Variants in RIMS2 observed in about 807,000 individuals in gnomAD.
RIMS2 encodes regulating synaptic membrane exocytosis 2, also known as regulating synaptic membrane exocytosis protein 2.
In RIMS2, 59 loss-of-function variants were observed where a neutral mutation model predicts 174.4. That is an observed-to-expected ratio of 0.34 (90% CI 0.27 to 0.42). The LOEUF is 0.42. Ranked by LOEUF, RIMS2 falls within the 10% of genes least tolerant of loss-of-function variation. The probability of loss-of-function intolerance (pLI) is 1.00; values close to 1 mark genes in which losing one functional copy is unlikely to be tolerated. For missense variants in RIMS2, 1,620 were observed against 1,666.3 expected (o/e 0.97, Z 0.48); for synonymous variants, 606 against 572.5 (o/e 1.06, Z -0.84).
chr8:104,151,007 C>A (rs1213461723), intron 19 of RIMS2, among the ~76,000 whole-genome samples: 1 of 151,996 alleles, frequency 6.6e-6, no homozygotes, highest in Non-Finnish European at 1.5e-5. Flanking sequence ...TAAGTCCATA[C>A]CTGGAAAAGA....
chr8:103,518,761 A>G (rs894891153), intron 1 of RIMS2, among the ~76,000 whole-genome samples: 3 of 152,064 alleles, frequency 2.0e-5, no homozygotes, highest in African/African-American at 7.2e-5. Flanking sequence ...CTGATGACTT[A>G]GTGTAAAAAA....
At chr8:103,539,649 C>T (rs1456655770) in intron 1 of RIMS2, among the ~76,000 whole-genome samples, 1 of 152,222 alleles carries the variant, frequency 6.6e-6, no homozygotes, top group Non-Finnish European at 1.5e-5. Context: ...AGGCAACCAA[C>T]AGTCATTCCC....
intron 2 of RIMS2, among the ~76,000 whole-genome samples, chr8:103,739,896 A>G (rs960280617): frequency 1.3e-5 from 2 of 152,150 alleles, no homozygotes; most frequent in Non-Finnish European, 2.9e-5. Context: ...TTTGTACCAT[A>G]GACTAAGTCC....
intron 16 of RIMS2, among the ~76,000 whole-genome samples, chr8:103,981,849 C>A (rs1026358266): frequency 1.3e-5 from 2 of 151,746 alleles, no homozygotes; most frequent in African/African-American, 4.8e-5. Context: ...AAAAGAAAAA[C>A]AAATAAAAAA....
chr8:103,651,411 ACTGT>A (rs60064428), intron 1 of RIMS2, among the ~76,000 whole-genome samples: 208 of 152,208 alleles, frequency 1.4e-3, no homozygotes, highest in African/African-American at 4.6e-3. Flanking sequence ...GCTTTCCACA[ACTGT>A]CTACTTCTAA....
At chr8:103,674,219 C>G (rs1484651742) in intron 1 of RIMS2, among the ~76,000 whole-genome samples, 3 of 152,160 alleles carry the variant, frequency 2.0e-5, no homozygotes, top group Non-Finnish European at 4.4e-5. Context: ...TAAGAAGTTC[C>G]AAACTTTCCT....
At chr8:103,544,747 A>G (rs999140232) in intron 1 of RIMS2, among the ~76,000 whole-genome samples, 31 of 152,248 alleles carry the variant, frequency 2.0e-4, no homozygotes, top group Admixed American at 1.4e-3. Flanking sequence ...ACCCAAGAAA[A>G]GAAATACAGG....
chr8:103,818,285 G>A (rs1297808376), intron 3 of RIMS2, among the ~76,000 whole-genome samples: 1 of 152,100 alleles, frequency 6.6e-6, no homozygotes, highest in East Asian at 1.9e-4. Context: ...TTAAAGAAAT[G>A]TCAAAGGTTA....
intron 2 of RIMS2, among the ~76,000 whole-genome samples, chr8:103,741,129 A>T (rs2097757969): frequency 6.6e-6 from 1 of 152,070 alleles, no homozygotes; most frequent in South Asian, 2.1e-4. Context: ...AATTTTGATT[A>T]CAAATAATTA....
At chr8:104,179,650 C>T (rs2098928560) in intron 19 of RIMS2, among the ~76,000 whole-genome samples, 3 of 151,700 alleles carry the variant, frequency 2.0e-5, no homozygotes, top group Admixed American at 2.0e-4. Context: ...AGTAAAATAA[C>T]AGCAAATTAT....
At chr8:103,597,835 G>T (rs544689881) in intron 1 of RIMS2, among the ~76,000 whole-genome samples, 59 of 151,972 alleles carry the variant, frequency 3.9e-4, no homozygotes, top group African/African-American at 1.4e-3. Flanking sequence ...TAAACCGTGG[G>T]TCATGAAATC....
intron 4 of RIMS2, among the ~76,000 whole-genome samples, chr8:103,890,272 A>G (rs1056635797): frequency 6.6e-5 from 10 of 152,016 alleles, no homozygotes; most frequent in Admixed American, 3.9e-4. Flanking sequence ...TGGAAAGAGT[A>G]TGCTTAACTT....
intron 1 of RIMS2, among the ~76,000 whole-genome samples, chr8:103,556,452 A>G (rs761872271): frequency 6.6e-6 from 1 of 152,158 alleles, no homozygotes; most frequent in Non-Finnish European, 1.5e-5. Context: ...TTATACTTTC[A>G]GTGATCCCAT....
intron 2 of RIMS2, among the ~76,000 whole-genome samples, chr8:103,765,812 G>T (rs907496974): frequency 1.3e-5 from 2 of 152,012 alleles, no homozygotes; most frequent in Admixed American, 1.3e-4. Flanking sequence ...TATCATTAAG[G>T]AAACTAAGTT....
chr8:104,044,121 A>G (rs543411587), intron 19 of RIMS2, among the ~76,000 whole-genome samples: 2 of 151,600 alleles, frequency 1.3e-5, no homozygotes, highest in African/African-American at 2.4e-5. Context: ...CATTCCATTC[A>G]TGATACGAAA....
chr8:104,166,538 A>C (rs2098799340), intron 19 of RIMS2, among the ~76,000 whole-genome samples: 1 of 152,144 alleles, frequency 6.6e-6, no homozygotes, highest in Non-Finnish European at 1.5e-5. Context: ...AATTTGACTA[A>C]AGTATTCATT....
intron 3 of RIMS2, among the ~76,000 whole-genome samples, chr8:103,839,529 T>C (rs1392744919): frequency 6.6e-6 from 1 of 152,180 alleles, no homozygotes; most frequent in Non-Finnish European, 1.5e-5. Context: ...TTGTGAGGCC[T>C]CAACTGAATG....
intron 19 of RIMS2, among the ~76,000 whole-genome samples, chr8:104,118,498 C>T (rs953658795): frequency 4.6e-5 from 7 of 151,530 alleles, no homozygotes; most frequent in African/African-American, 1.7e-4. Context: ...TATTACAAGT[C>T]CAAGTGCTTC....
chr8:103,927,845 C>G, exon 11 of RIMS2: 1 of 1,606,822 alleles, frequency 6.2e-7, no homozygotes, highest in Non-Finnish European at 8.5e-7. Flanking sequence ...TTACCAGAGC[C>G]AAAGCCTTAG....
Sources: gnomAD v4.1 joint callset for allele counts (sites outside exome capture counted in the v4.1 genomes callset) on GRCh38, gnomAD v4.1.1 for gene constraint, MANE v1.5 for transcripts, NCBI Gene and HGNC (gene_info 2026-07-23, HGNC 2026-07-21) for gene names.